Variants in NR1H4 observed in about 807,000 individuals in gnomAD.
NR1H4 encodes the protein nuclear receptor subfamily 1 group H member 4.
NR1H4 carries 23 observed loss-of-function variants against 58.5 expected under a neutral mutation model. The observed-to-expected ratio is 0.39, with a 90% CI of 0.28 to 0.56. NR1H4 has a LOEUF of 0.56. NR1H4 is among the 20% of genes least tolerant of loss of function. The pLI, the probability that NR1H4 is intolerant of heterozygous loss-of-function variation, is 0.58. For synonymous variants in NR1H4, 214 were observed against 198.0 expected (o/e 1.08, Z -0.68); for missense variants, 487 against 576.9 (o/e 0.84, Z 1.60).
intron 3 of NR1H4, among the ~76,000 whole-genome samples, chr12:100,503,792 C>G (rs1953893093): frequency 6.6e-6 from 1 of 152,104 alleles, no homozygotes; most frequent in African/African-American, 2.4e-5. Flanking sequence ...ATATTAATAT[C>G]AATGGACACT....
At chr12:100,559,107 A>G (rs1401015673) in intron 9 of NR1H4, among the ~76,000 whole-genome samples, 3 of 152,262 alleles carry the variant, frequency 2.0e-5, no homozygotes, top group African/African-American at 7.2e-5. Flanking sequence ...TTAAAACTAT[A>G]TGCCTAAAGC....
intron 9 of NR1H4, among the ~76,000 whole-genome samples, chr12:100,559,995 C>G (rs1352812090): frequency 6.6e-6 from 1 of 151,822 alleles, no homozygotes; most frequent in Admixed American, 6.6e-5. Flanking sequence ...ACCTTTATGC[C>G]TAGCTCAGGG....
intron 9 of NR1H4, among the ~76,000 whole-genome samples, chr12:100,543,932 A>G (rs1221488869): frequency 6.6e-6 from 1 of 152,116 alleles, no homozygotes; most frequent in East Asian, 1.9e-4. Flanking sequence ...TCTGGCTTCC[A>G]TGGACTGTGG....
At chr12:100,488,977 T>TTATG (rs1953551078) in intron 1 of NR1H4, among the ~76,000 whole-genome samples, 1 of 152,116 alleles carries the variant, frequency 6.6e-6, no homozygotes, top group Non-Finnish European at 1.5e-5. Flanking sequence ...AGGGAGGATT[T>TTATG]GAAGGAAAAA....
intron 2 of NR1H4, among the ~76,000 whole-genome samples, chr12:100,492,943 T>G (rs1268160454): frequency 6.6e-6 from 1 of 150,962 alleles, no homozygotes; most frequent in Non-Finnish European, 1.5e-5. Flanking sequence ...TTTATATTTG[T>G]TTTTTTTTCT....
Position 100,534,922 on chromosome 12 carries a change from C to G in NR1H4, c.631C>G (p.Arg211Gly), listed in dbSNP as rs764509334. 1.2e-6 allele frequency: 2 copies of G among 1,614,042 alleles called. No homozygotes were observed. The highest frequency in any genetic ancestry group is 8.5e-7 in the Non-Finnish European group (1 of 1,179,994). The change falls in exon 6 of 11, where the codon CGA becomes GGA. Residue 211 changes from arginine to glycine, a missense_variant. Coordinates refer to ENST00000392986, the MANE Select transcript of NR1H4 (RefSeq NM_001206979.2). ...LLTEIQCKSK[R>G]LRKNVKQHAD... ...AACTGAAATTCAGTGTAAATCTAAG[C>G]GACTGAGAAAAAATGTGAAGCAGCA...
chr12:100,494,765 A>C (rs1188567941), intron 3 of NR1H4, among the ~76,000 whole-genome samples: 3 of 152,226 alleles, frequency 2.0e-5, no homozygotes, highest in Admixed American at 6.5e-5. Context: ...TTCTTCTAGC[A>C]ATCAGAACTC....
chr12:100,510,718 T>C, intron 3 of NR1H4, 60 bp from the exon 4 acceptor site: 1 of 1,602,976 alleles, frequency 6.2e-7, no homozygotes, highest in Non-Finnish European at 8.5e-7. Flanking sequence ...TACGCCAAAC[T>C]GCCTCTCTAA....
chr12:100,538,440 T>G (rs1323356144), intron 8 of NR1H4, among the ~76,000 whole-genome samples: 1 of 152,154 alleles, frequency 6.6e-6, no homozygotes, highest in Non-Finnish European at 1.5e-5. Flanking sequence ...AACAGTTGTA[T>G]GTGTAAGGTG....
At chr12:100,508,228 C>A (rs765748908) in intron 3 of NR1H4, among the ~76,000 whole-genome samples, 2 of 151,992 alleles carry the variant, frequency 1.3e-5, no homozygotes, top group African/African-American at 2.4e-5. Flanking sequence ...TGTTGAGAAC[C>A]ATTTCAGGCT....
intron 3 of NR1H4, among the ~76,000 whole-genome samples, chr12:100,503,934 T>C (rs866727982): frequency 3.3e-5 from 5 of 152,106 alleles, no homozygotes; most frequent in South Asian, 2.1e-4. Flanking sequence ...TATAATAGAA[T>C]AGAAATATTA....
intron 3 of NR1H4, among the ~76,000 whole-genome samples, chr12:100,501,681 T>A (rs1053281985): frequency 6.6e-6 from 1 of 152,180 alleles, no homozygotes; most frequent in African/African-American, 2.4e-5. Flanking sequence ...TATAGAAATG[T>A]CTTAGCAATG....
intron 9 of NR1H4, among the ~76,000 whole-genome samples, chr12:100,549,442 C>T (rs1955154918): frequency 6.6e-6 from 1 of 152,134 alleles, no homozygotes; most frequent in Non-Finnish European, 1.5e-5. Context: ...AAGTGTTACA[C>T]ATAACTTCTA....
intron 10 of NR1H4, among the ~76,000 whole-genome samples, chr12:100,562,990 G>T (rs769979203): frequency 6.6e-6 from 1 of 152,178 alleles, no homozygotes; most frequent in African/African-American, 2.4e-5. Context: ...GGATGCTCAC[G>T]TCCACCCTAC....
intron 3 of NR1H4, among the ~76,000 whole-genome samples, chr12:100,503,907 T>G: frequency 6.6e-6 from 1 of 152,138 alleles, no homozygotes; most frequent in South Asian, 2.1e-4. Flanking sequence ...TGACCAGCAT[T>G]AAAAACTGGA....
chr12:100,504,202 C>T (rs1953904167), intron 3 of NR1H4, among the ~76,000 whole-genome samples: 2 of 152,140 alleles, frequency 1.3e-5, no homozygotes, highest in South Asian at 4.1e-4. Context: ...TGAATTAAAA[C>T]ATCGATTATA....
At chr12:100,560,283 C>T (rs571343521) in intron 9 of NR1H4, among the ~76,000 whole-genome samples, 6 of 152,326 alleles carry the variant, frequency 3.9e-5, no homozygotes, top group East Asian at 1.9e-4. Flanking sequence ...TGCCCGAGCC[C>T]GCATTGGCAA....
rs951343111 is a variant in NR1H4 at position 100,536,997 on chromosome 12, T to C, written c.881T>C (p.Met294Thr). Residue 294 changes from methionine to threonine, a missense_variant, in exon 8 of 11, where the codon ATG (methionine) becomes ACG (threonine). Met to Thr is a moderately conservative substitution (Grantham distance 81, BLOSUM62 -1). Transcript: ENST00000392986. ...GAAAATTTTCTCATTTTGACGGAAATGGCAACCAATCATGTACAGGTTCTT... is the reference window on the plus strand; with the variant it reads ...GAAAATTTTCTCATTTTGACGGAAACGGCAACCAATCATGTACAGGTTCTT... ...AEENFLILTE[M>T]ATNHVQVLVE... 6.2e-7 allele frequency: 1 copy of C among 1,604,212 alleles called. No homozygotes were observed. Among genetic ancestry groups the C allele is most frequent in the African/African-American group, 1.3e-5 (1 of 74,662 alleles).
At chr12:100,499,690 A>G (rs1013236267) in intron 3 of NR1H4, among the ~76,000 whole-genome samples, 11 of 152,346 alleles carry the variant, frequency 7.2e-5, no homozygotes, top group Middle Eastern at 3.4e-3. Flanking sequence ...ACAGATTCTT[A>G]GGGATGCCAA....
Sources: allele counts gnomAD v4.1 joint callset (sites outside exome capture counted in the v4.1 genomes callset), GRCh38; gene constraint gnomAD v4.1.1; transcripts MANE v1.5; gene names NCBI Gene and HGNC (gene_info 2026-07-23, HGNC 2026-07-21).